The following MAGI3 variants were observed in gnomAD, a reference collection of about 807,000 sequenced individuals.
The protein encoded by MAGI3 is membrane-associated guanylate kinase, WW and PDZ domain-containing protein 3.
Under a neutral mutation model 121.8 loss-of-function variants are expected in MAGI3, and 43 were observed. The ratio of observed to expected loss-of-function variants is 0.35; its 90% confidence interval spans 0.28 to 0.46. The LOEUF is 0.46. MAGI3 is among the 20% of genes least tolerant of loss of function. The probability of loss-of-function intolerance (pLI) is 1.00; values close to 1 mark genes in which losing one functional copy is unlikely to be tolerated. For missense variants in MAGI3, 1,547 were observed against 1,797.3 expected (o/e 0.86, Z 2.52); for synonymous variants, 553 against 639.3 (o/e 0.86, Z 2.04).
At chr1:113,668,132 A>G (rs925931687) in intron 16 of MAGI3, among the ~76,000 whole-genome samples, 5 of 152,214 alleles carry the variant, frequency 3.3e-5, no homozygotes, top group African/African-American at 1.2e-4. Context: ...TTTTGGAAGA[A>G]TTACCAAAAT....
At chr1:113,606,181 G>T (rs1345970044) in intron 6 of MAGI3, among the ~76,000 whole-genome samples, 1 of 151,870 alleles carries the variant, frequency 6.6e-6, no homozygotes, top group African/African-American at 2.4e-5. Flanking sequence ...TGGCCAGGCT[G>T]GTCTGAAACT....
At chr1:113,668,569 CTTTTT>C (rs370302032) in intron 16 of MAGI3, among the ~76,000 whole-genome samples, 1 of 94,850 alleles carries the variant, frequency 1.1e-5, no homozygotes, top group African/African-American at 4.2e-5. Flanking sequence ...AAACATGTAA[CTTTTT>C]TTTTTTTTTT....
chr1:113,416,013 A>G (rs1252235110), intron 1 of MAGI3, among the ~76,000 whole-genome samples: 92 of 119,176 alleles, frequency 7.7e-4, no homozygotes, highest in African/African-American at 3.0e-3. Context: ...TACATATATT[A>G]ATTATGTAAT....
At chr1:113,676,890 G>T (rs1281517101) in intron 19 of MAGI3, among the ~76,000 whole-genome samples, 1 of 152,100 alleles carries the variant, frequency 6.6e-6, no homozygotes, top group African/African-American at 2.4e-5. Context: ...ATAGATATTT[G>T]TTGAAAGAGT....
chr1:113,411,269 G>C (rs1651963986), intron 1 of MAGI3, among the ~76,000 whole-genome samples: 2 of 152,084 alleles, frequency 1.3e-5, no homozygotes, highest in South Asian at 4.2e-4. Flanking sequence ...TGGATACACT[G>C]ACCTTAATCT....
At chr1:113,423,978 C>G (rs1481567325) in intron 1 of MAGI3, among the ~76,000 whole-genome samples, 1 of 152,196 alleles carries the variant, frequency 6.6e-6, no homozygotes, top group African/African-American at 2.4e-5. Flanking sequence ...AGGGAGAAGC[C>G]AGGGAGCAGG....
In MAGI3 at chr1:113,487,253, CAA is replaced by C. The variant is rs1371013453; in HGVS notation, c.317-62260_317-62259del. 5.3e-5 allele frequency among the ~76,000 whole-genome samples: 8 copies of C among 152,216 alleles called. No individual in the cohort carries two copies. The East Asian group carries it at 1.5e-3, about 29-fold the overall frequency. On this transcript the variant is annotated intron_variant, in intron 1 of 20. Transcript: ENST00000307546. The stretch of plus-strand genomic sequence containing the variant: ...TGAAGACTTGTAAGAAATATTTTAA[CAA>C]AGTGCAGTGAAAATTCAGAGACAGA...
chr1:113,448,510 G>A (rs1426138413), intron 1 of MAGI3, among the ~76,000 whole-genome samples: 7 of 152,200 alleles, frequency 4.6e-5, no homozygotes, highest in Non-Finnish European at 7.3e-5. Context: ...AATAATTTGT[G>A]TGTGGCAGTA....
intron 1 of MAGI3, among the ~76,000 whole-genome samples, chr1:113,507,242 A>G (rs1329777140): frequency 1.3e-5 from 2 of 152,186 alleles, no homozygotes; most frequent in Non-Finnish European, 2.9e-5. Flanking sequence ...GCTGTTTTAC[A>G]TGTGAGGAAA....
chr1:113,431,983 G>A (rs1653324234), intron 1 of MAGI3, among the ~76,000 whole-genome samples: 2 of 152,154 alleles, frequency 1.3e-5, no homozygotes, highest in South Asian at 2.1e-4. Flanking sequence ...TTATGGAATG[G>A]TAGCTTCACA....
At chr1:113,547,492 C>T (rs1659592456) in intron 1 of MAGI3, among the ~76,000 whole-genome samples, 1 of 152,140 alleles carries the variant, frequency 6.6e-6, no homozygotes, top group Non-Finnish European at 1.5e-5. Context: ...TCTGTCCATT[C>T]AAAAACCCTA....
chr1:113,559,402 A>G (rs572034287), intron 2 of MAGI3, among the ~76,000 whole-genome samples: 7 of 152,120 alleles, frequency 4.6e-5, no homozygotes, highest in Non-Finnish European at 1.0e-4. Flanking sequence ...TTTCAGACAA[A>G]ATAGACTTCA....
intron 1 of MAGI3, among the ~76,000 whole-genome samples, chr1:113,527,743 A>G (rs1658519477): frequency 6.6e-6 from 1 of 152,204 alleles, no homozygotes; most frequent in Non-Finnish European, 1.5e-5. Context: ...AAAAAGATAA[A>G]AGATTCATTC....
chr1:113,682,465 C>A, intron 20 of MAGI3: 2 of 1,356,966 alleles, frequency 1.5e-6, no homozygotes, highest in Non-Finnish European at 1.9e-6. Context: ...TGCCCATGAG[C>A]CTCATTCTGG....
At chr1:113,639,503 G>A (rs1195051647) in intron 9 of MAGI3, among the ~76,000 whole-genome samples, 1 of 152,200 alleles carries the variant, frequency 6.6e-6, no homozygotes, top group Non-Finnish European at 1.5e-5. Context: ...CTGCGTTCAA[G>A]TGATTCTCCT....
At chr1:113,420,960 T>C (rs1652703766) in intron 1 of MAGI3, among the ~76,000 whole-genome samples, 1 of 152,224 alleles carries the variant, frequency 6.6e-6, no homozygotes. Context: ...ATGTATTATG[T>C]AGCAAATTTG....
At chr1:113,437,901 T>TCTC (rs1653701047) in intron 1 of MAGI3, among the ~76,000 whole-genome samples, 1 of 4,506 alleles carries the variant, frequency 2.2e-4, no homozygotes, top group Non-Finnish European at 4.8e-4. Flanking sequence ...TCCTTCTCCT[T>TCTC]CTCCTTCTCC....
chr1:113,665,181 G>T lies in MAGI3; in HGVS notation c.2815+5916G>T, dbSNP rs558981284. ...TACCTTTGTATGTAGTTTTAGGAGG[G>T]ATGTAGTTTTATTTTTTATTCTTAA... On this transcript the variant is annotated intron_variant, in intron 16 of 20. Coordinates refer to ENST00000307546, the MANE Select transcript of MAGI3 (RefSeq NM_001142782.2). Among the ~76,000 whole-genome samples, 3 of 152,136 alleles carry T rather than the reference G, an allele frequency of 2.0e-5. No homozygotes were observed. The South Asian group carries it at 6.2e-4, about 32-fold the overall frequency.
chr1:113,462,693 C>T (rs184479385), intron 1 of MAGI3, among the ~76,000 whole-genome samples: 311 of 152,106 alleles, frequency 2.0e-3, no homozygotes, highest in African/African-American at 7.1e-3. Flanking sequence ...ACTTCTACCC[C>T]CAAACCTAAA....
Sources: gnomAD v4.1 joint callset for allele counts (sites outside exome capture counted in the v4.1 genomes callset) on GRCh38, gnomAD v4.1.1 for gene constraint, MANE v1.5 for transcripts, NCBI Gene and HGNC (gene_info 2026-07-23, HGNC 2026-07-21) for gene names.